Variants in ADORA2B observed in about 807,000 individuals in gnomAD.
ADORA2B encodes the protein adenosine A2b receptor, also known as adenosine receptor A2b.
In ADORA2B, 18 loss-of-function variants were observed where a neutral mutation model predicts 20.8. The observed-to-expected ratio is 0.87, with a 90% CI of 0.60 to 1.29. ADORA2B has a LOEUF of 1.29. Among genes scored for constraint, ADORA2B ranks in the 50% most tolerant of loss-of-function variants. The pLI is 0.00. For missense variants in ADORA2B, 441 were observed against 422.7 expected, an observed-to-expected ratio of 1.04 and a Z score of -0.38; for synonymous variants, 179 against 178.3, an observed-to-expected ratio of 1.00 and a Z score of -0.03.
intron 1 of ADORA2B, among the ~76,000 whole-genome samples, chr17:15,949,818 C>T (rs551009085): frequency 1.3e-5 from 2 of 152,232 alleles, no homozygotes; most frequent in South Asian, 4.1e-4. Flanking sequence ...TTGCAGTGAG[C>T]CCCAGCCTGG....
the ADORA2B span, among the ~76,000 whole-genome samples, chr17:15,875,560 A>G: frequency 6.6e-6 from 1 of 152,058 alleles, no homozygotes; most frequent in African/African-American, 2.4e-5. Context: ...TCCACTTAAA[A>G]TTATTTTTGT....
Position 15,945,303 on chromosome 17 carries a change from G to A in ADORA2B, c.55G>A (p.Ala19Thr). The A allele has an allele frequency of 1.9e-6, 3 of 1,569,986 alleles. No homozygotes were observed. Among genetic ancestry groups the A allele is most frequent in the East Asian group, 2.3e-5 (1 of 42,872 alleles). Residue 19 changes from alanine to threonine, a missense_variant, in exon 1 of 2, where the codon GCG becomes ACG. By Grantham distance (58) the Ala-to-Thr change is moderately conservative (BLOSUM62 0). Coordinates refer to ENST00000304222, the MANE Select transcript of ADORA2B (RefSeq NM_000676.4). ...LYVALELVIA[A>T]LSVAGNVLVC... Reference sequence around the variant, plus strand: ...CGTGGCGCTGGAGCTGGTCATCGCCGCGCTTTCGGTGGCGGGCAACGTGCT... The same window carrying A: ...CGTGGCGCTGGAGCTGGTCATCGCCACGCTTTCGGTGGCGGGCAACGTGCT...
chr17:15,857,906 A>G, the ADORA2B span, among the ~76,000 whole-genome samples: 1 of 149,798 alleles, frequency 6.7e-6, no homozygotes, highest in Non-Finnish European at 1.5e-5. Context: ...TTTATGTTGT[A>G]GCATGAGACA....
Position 15,974,712 on chromosome 17 carries a change from A to C in ADORA2B, c.369A>C (p.Arg123Ser), listed in dbSNP as rs535262678. The part of the protein sequence containing the change: ...YKSLVTGTRA[R>S]GVIAVLWVLA... ...GTTTGGTCACGGGGACCCGAGCAAG[A>C]GGGGTCATTGCTGTCCTCTGGGTCC... Residue 123 changes from arginine (R) to serine (S), a missense_variant, in exon 2 of 2, where the codon AGA becomes AGC. Physicochemically the swap from Arg to Ser is moderately radical, Grantham distance 110. Coordinates refer to ENST00000304222, the MANE Select transcript of ADORA2B (RefSeq NM_000676.4). 1.1e-5 allele frequency: 18 copies of C among 1,614,088 alleles called. 1 individual carries two copies. In the South Asian group the frequency reaches 1.9e-4, roughly 17 times the overall value.
intron 1 of ADORA2B, among the ~76,000 whole-genome samples, chr17:15,970,776 T>A (rs567223667): frequency 2.6e-5 from 4 of 152,330 alleles, no homozygotes; most frequent in Non-Finnish European, 5.9e-5. Context: ...TTCAAAGGTG[T>A]CATCAAGGAC....
chr17:15,898,453 CTTTTT>C, the ADORA2B span, among the ~76,000 whole-genome samples: 1 of 127,502 alleles, frequency 7.8e-6, no homozygotes, highest in Non-Finnish European at 1.7e-5. Context: ...TAATCTCCCA[CTTTTT>C]TTTTTTTTTT....
At chr17:15,936,429 A>T in the ADORA2B span, among the ~76,000 whole-genome samples, 1 of 151,600 alleles carries the variant, frequency 6.6e-6, no homozygotes, top group Admixed American at 6.6e-5. Flanking sequence ...GGCACTTCTC[A>T]TGCCTCAGCC....
chr17:15,885,168 G>T, the ADORA2B span, among the ~76,000 whole-genome samples: 1 of 152,168 alleles, frequency 6.6e-6, no homozygotes, highest in African/African-American at 2.4e-5. Context: ...TCTCTAATAA[G>T]TGATGTTGAG....
chr17:15,975,217 T>C lies in ADORA2B; in HGVS notation c.874T>C (p.Tyr292His). ...NSVVNPIVYA[Y>H]RNRDFRYTFH... ...AGTTGTCAATCCCATTGTCTATGCT[T>C]ACCGGAACCGAGACTTCCGCTACAC... The change falls in exon 2 of 2, where the codon TAC becomes CAC. Residue 292 changes from tyrosine to histidine, a missense_variant. Coordinates refer to ENST00000304222, the MANE Select transcript of ADORA2B (RefSeq NM_000676.4). 1 of 1,614,092 alleles carries C rather than the reference T, an allele frequency of 6.2e-7. No homozygotes were observed. Among genetic ancestry groups the C allele is most frequent in the Non-Finnish European group, 8.5e-7 (1 of 1,180,032 alleles).
the ADORA2B span, among the ~76,000 whole-genome samples, chr17:15,886,641 A>G: frequency 1.2e-4 from 16 of 131,004 alleles, 3 homozygotes; most frequent in South Asian, 3.6e-3. Context: ...TTTTAGAAGC[A>G]GCAAGCAAGG....
Position 15,975,115 on chromosome 17 carries a change from C to A in ADORA2B, c.772C>A (p.Leu258Ile), listed in dbSNP as rs1260148128. Residue 258 changes from leucine to isoleucine, a missense_variant, in exon 2 of 2, where the codon CTT (leucine) becomes ATT (isoleucine). By Grantham distance (5) the Leu-to-Ile change is conservative. Transcript: ENST00000304222. ...TGTGCATGCTGTTAACTGTGTCACT[C>A]TTTTCCAGCCAGCTCAGGGTAAAAA... ...LPVHAVNCVT[L>I]FQPAQGKNKP... 6.2e-7 allele frequency: 1 copy of A among 1,614,038 alleles called. No homozygotes were observed. The highest frequency in any genetic ancestry group is 8.5e-7 in the Non-Finnish European group (1 of 1,180,036).
At chr17:15,874,339 G>GA in the ADORA2B span, among the ~76,000 whole-genome samples, 1 of 151,484 alleles carries the variant, frequency 6.6e-6, no homozygotes, top group Non-Finnish European at 1.5e-5. Flanking sequence ...TAGGGAGGGG[G>GA]ATTAATTTTT....
the ADORA2B span, among the ~76,000 whole-genome samples, chr17:15,894,040 G>A: frequency 2.6e-5 from 4 of 152,180 alleles, no homozygotes; most frequent in Non-Finnish European, 5.9e-5. Flanking sequence ...GCAGCAGTTT[G>A]TCAACCCCTG....
chr17:15,916,132 C>G, the ADORA2B span, among the ~76,000 whole-genome samples: 1 of 152,206 alleles, frequency 6.6e-6, no homozygotes, highest in East Asian at 1.9e-4. Context: ...TGCTTACGAA[C>G]AGGCGAAGAC....
chr17:15,898,404 C>T, the ADORA2B span, among the ~76,000 whole-genome samples: 4 of 151,642 alleles, frequency 2.6e-5, no homozygotes, highest in Admixed American at 1.3e-4. Flanking sequence ...AGCGATTCTC[C>T]TGCATCAGCC....
At chr17:15,867,210 G>A in the ADORA2B span, among the ~76,000 whole-genome samples, 4 of 151,762 alleles carry the variant, frequency 2.6e-5, no homozygotes, top group African/African-American at 2.4e-5. Flanking sequence ...CCGCCACCCC[G>A]TCTGGGAAGT....
the ADORA2B span, among the ~76,000 whole-genome samples, chr17:15,865,163 G>A: frequency 6.6e-6 from 1 of 152,204 alleles, no homozygotes; most frequent in East Asian, 1.9e-4. Context: ...TTTCTGTTCA[G>A]AAAAGGAATT....
chr17:15,951,348 G>C (rs1005048817), intron 1 of ADORA2B, among the ~76,000 whole-genome samples: 1 of 152,188 alleles, frequency 6.6e-6, no homozygotes. Flanking sequence ...GCAGACACGC[G>C]GGACGTGGCC....
At chr17:15,913,465 G>A in the ADORA2B span, among the ~76,000 whole-genome samples, 3 of 152,174 alleles carry the variant, frequency 2.0e-5, no homozygotes, top group African/African-American at 7.2e-5. Context: ...CAGCTTGATG[G>A]TGAAAATCCC....
Sources: gnomAD v4.1 joint callset for allele counts (sites outside exome capture counted in the v4.1 genomes callset) on GRCh38, gnomAD v4.1.1 for gene constraint, MANE v1.5 for transcripts, NCBI Gene and HGNC (gene_info 2026-07-23, HGNC 2026-07-21) for gene names.